CACNB2: variants seen among roughly 807,000 people sequenced by gnomAD.
CACNB2 encodes voltage-dependent L-type calcium channel subunit beta-2.
A neutral mutation model predicts 73.3 loss-of-function variants in CACNB2; 42 were observed. That is an observed-to-expected ratio of 0.57 (90% confidence interval 0.45 to 0.74). The LOEUF is 0.74. Among genes scored for constraint, CACNB2 ranks in the 30% least tolerant of loss-of-function variants. The pLI, the probability that CACNB2 is intolerant of heterozygous loss-of-function variation, is 0.00. For missense variants in CACNB2, 940 were observed against 853.0 expected, an observed-to-expected ratio of 1.10 and a Z score of -1.27; for synonymous variants, 348 against 310.3, an observed-to-expected ratio of 1.12 and a Z score of -1.28.
chr10:18,171,533 A>G (rs1374072616), intron 2 of CACNB2, among the ~76,000 whole-genome samples: 1 of 142,852 alleles, frequency 7.0e-6, no homozygotes, highest in Non-Finnish European at 1.5e-5. Flanking sequence ...AAAAAAAAAA[A>G]AAAAAAAAAA....
At chr10:18,385,207 C>T (rs957464694) in intron 2 of CACNB2, among the ~76,000 whole-genome samples, 5 of 151,534 alleles carry the variant, frequency 3.3e-5, no homozygotes, top group Admixed American at 3.3e-4. Context: ...CATTTGAACC[C>T]GGGAGGCAGA....
At chr10:18,438,338 A>T (rs1197328489) in intron 3 of CACNB2, among the ~76,000 whole-genome samples, 4 of 151,696 alleles carry the variant, frequency 2.6e-5, no homozygotes, top group Non-Finnish European at 5.9e-5. Flanking sequence ...CCCCAGTTGG[A>T]TTTTTATTTC....
chr10:18,232,646 C>T (rs1373497513), intron 2 of CACNB2, among the ~76,000 whole-genome samples: 8 of 152,120 alleles, frequency 5.3e-5, no homozygotes, highest in Admixed American at 3.3e-4. Context: ...AGCTGAGCCA[C>T]GTTATGTCAG....
At chr10:18,270,896 T>A (rs1263984478) in intron 2 of CACNB2, among the ~76,000 whole-genome samples, 1 of 152,124 alleles carries the variant, frequency 6.6e-6, no homozygotes, top group Non-Finnish European at 1.5e-5. Context: ...AATGGTTGAA[T>A]ACATATATAC....
In CACNB2 at chr10:18,514,342, A is replaced by G; in HGVS notation, c.777A>G (p.Lys259=). The G allele has an allele frequency of 6.2e-7, 1 of 1,614,180 alleles. No homozygotes were observed. The highest frequency in any genetic ancestry group is 8.5e-7 in the Non-Finnish European group (1 of 1,180,028). Residue 259 remains lysine (K), a synonymous_variant, in exon 7 of 14, where the codon AAA becomes AAG. Coordinates refer to ENST00000324631, the MANE Select transcript of CACNB2 (RefSeq NM_201596.3). ...ACAGTGTAACGTCACCCCACTCCAA[A>G]GAGAAAAGAATGCCCTTCTTTAAGA... is the stretch of plus-strand genomic sequence containing the variant. ...SANSVTSPHS[K]EKRMPFFKKT...
intron 2 of CACNB2, among the ~76,000 whole-genome samples, chr10:18,336,716 C>T (rs895501827): frequency 2.0e-5 from 3 of 152,072 alleles, no homozygotes; most frequent in South Asian, 2.1e-4. Context: ...TTATATTGGA[C>T]GAATTCATTT....
At chr10:18,325,539 C>G (rs894887463) in intron 2 of CACNB2, among the ~76,000 whole-genome samples, 31 of 151,720 alleles carry the variant, frequency 2.0e-4, no homozygotes, top group Admixed American at 1.8e-3. Flanking sequence ...TTTCTTCCTT[C>G]TTTTCTTTTC....
At chr10:18,390,501 G>A (rs756912773) in intron 2 of CACNB2, among the ~76,000 whole-genome samples, 1 of 152,142 alleles carries the variant, frequency 6.6e-6, no homozygotes, top group Admixed American at 6.6e-5. Context: ...CATGAGCCAC[G>A]GGGCCCAGCC....
chr10:18,248,806 C>A (rs1214621099), intron 2 of CACNB2, among the ~76,000 whole-genome samples: 2 of 152,316 alleles, frequency 1.3e-5, no homozygotes, highest in East Asian at 3.9e-4. Flanking sequence ...TGGAGACAGA[C>A]TTTCTCAACT....
At chr10:18,478,327 C>G (rs57039030) in intron 3 of CACNB2, among the ~76,000 whole-genome samples, 8,886 of 152,200 alleles carry the variant, frequency 0.058, 486 homozygotes, top group African/African-American at 0.15. Context: ...TCTATTTGAC[C>G]ACAGCTCACC....
intron 4 of CACNB2, chr10:18,498,754 C>G (rs1414696120): frequency 2.5e-6 from 1 of 403,868 alleles, no homozygotes; most frequent in Non-Finnish European, 4.6e-6. Flanking sequence ...CTTTTTTATG[C>G]TTAACCTATA....
At chr10:18,468,476 AAAAC>A (rs772679578) in intron 3 of CACNB2, among the ~76,000 whole-genome samples, 1 of 152,208 alleles carries the variant, frequency 6.6e-6, no homozygotes, top group Non-Finnish European at 1.5e-5. Flanking sequence ...CAGTAAAAAC[AAAAC>A]AAACAGACAA....
chr10:18,428,502 C>T lies in CACNB2; in HGVS notation c.333+26459C>T, dbSNP rs535493311. On this transcript the variant is annotated intron_variant, in intron 3 of 13. Coordinates refer to ENST00000324631, the MANE Select transcript of CACNB2 (RefSeq NM_201596.3). ...TGGAGGTTGAGACCAGCTTGGCCAA[C>T]ATGGTGAAACCCCTTCTCTACAAAA... 2.6e-4 allele frequency among the ~76,000 whole-genome samples: 40 copies of T among 152,208 alleles called. 2 individuals are homozygous for T. The South Asian group carries it at 7.9e-3, about 30-fold the overall frequency.
In CACNB2 at chr10:18,540,446, T is replaced by TAACA. The variant is rs1263239874; in HGVS notation, c.*723_*726dup. 1 of 152,536 alleles carries TAACA rather than the reference T, an allele frequency of 6.6e-6. No individual in the cohort carries two copies. 9.4% of individuals were successfully genotyped at this position (152,536 alleles called of 1,614,324 possible). ...ATGCCCACATTCAGGAAATTTGTAA[T>TAACA]AACATTGTCTAGACACCTATCCTCA... On this transcript the variant is annotated 3_prime_UTR_variant, in exon 14 of 14. Coordinates refer to ENST00000324631, the MANE Select transcript of CACNB2 (RefSeq NM_201596.3).
At chr10:18,487,838 CAAA>C (rs35224466) in intron 3 of CACNB2, among the ~76,000 whole-genome samples, 9 of 136,186 alleles carry the variant, frequency 6.6e-5, no homozygotes, top group African/African-American at 1.1e-4. Flanking sequence ...GACTCCATCT[CAAA>C]AAAAAAAAAA....
intron 3 of CACNB2, among the ~76,000 whole-genome samples, chr10:18,494,605 C>T (rs1198586345): frequency 7.1e-6 from 1 of 141,684 alleles, no homozygotes; most frequent in Non-Finnish European, 1.5e-5. Context: ...GCACTCCAGC[C>T]TGGGTGACAG....
intron 5 of CACNB2, among the ~76,000 whole-genome samples, chr10:18,505,046 A>T (rs975176468): frequency 2.6e-5 from 4 of 152,310 alleles, no homozygotes; most frequent in Admixed American, 6.5e-5. Flanking sequence ...ACAGAACTCA[A>T]TGGAAATGGA....
chr10:18,252,489 C>A (rs1292891909), intron 2 of CACNB2, among the ~76,000 whole-genome samples: 1 of 152,286 alleles, frequency 6.6e-6, no homozygotes, highest in South Asian at 2.1e-4. Flanking sequence ...TTATGGGATG[C>A]ATTTCGAGCC....
intron 2 of CACNB2, among the ~76,000 whole-genome samples, chr10:18,175,395 C>T (rs189930171): frequency 5.9e-5 from 9 of 152,204 alleles, no homozygotes; most frequent in Admixed American, 3.3e-4. Context: ...TATAAAATAA[C>T]GAAGACAGAT....
Sources: gnomAD v4.1 joint callset for allele counts (sites outside exome capture counted in the v4.1 genomes callset) on GRCh38, gnomAD v4.1.1 for gene constraint, MANE v1.5 for transcripts, NCBI Gene and HGNC (gene_info 2026-07-23, HGNC 2026-07-21) for gene names.